ST18: variants seen among roughly 807,000 people sequenced by gnomAD.
The protein encoded by ST18 is suppression of tumorigenicity 18 protein.
ST18 carries 50 observed loss-of-function variants against 110.0 expected under a neutral mutation model. The ratio of observed to expected loss-of-function variants is 0.45; its 90% CI spans 0.36 to 0.58. The LOEUF (loss-of-function observed/expected upper bound fraction) is 0.58, where lower values mean the gene tolerates loss of function less well. ST18 is among the 20% of genes least tolerant of loss of function. The pLI is 0.00. For missense variants in ST18, 1,306 were observed against 1,280.1 expected, an observed-to-expected ratio of 1.02 and a Z score of -0.31; for synonymous variants, 461 against 452.4, an observed-to-expected ratio of 1.02 and a Z score of -0.24.
intron 2 of ST18, among the ~76,000 whole-genome samples, chr8:52,345,319 G>T (rs2140253632): frequency 6.6e-6 from 1 of 152,234 alleles, no homozygotes; most frequent in African/African-American, 2.4e-5. Flanking sequence ...CCACAGAAAT[G>T]AATGTTAAAA....
chr8:52,215,666 T>C (rs1236371038), intron 6 of ST18, among the ~76,000 whole-genome samples: 1 of 152,254 alleles, frequency 6.6e-6, no homozygotes, highest in Non-Finnish European at 1.5e-5. Context: ...TTATGAATAC[T>C]TTAAAACTAC....
chr8:52,180,025 A>G, intron 9 of ST18, 97 bp downstream of exon 9: 2 of 1,234,594 alleles, frequency 1.6e-6, no homozygotes, highest in Non-Finnish European at 2.3e-6. Flanking sequence ...GTACTTTTAC[A>G]ACCATACAAA....
intron 2 of ST18, among the ~76,000 whole-genome samples, chr8:52,325,230 A>T (rs966065761): frequency 6.6e-6 from 1 of 152,216 alleles, no homozygotes; most frequent in Non-Finnish European, 1.5e-5. Flanking sequence ...AAAGAAAAAC[A>T]TGAAAAGGAA....
chr8:52,408,601 G>T (rs1845354916), intron 2 of ST18, among the ~76,000 whole-genome samples: 1 of 152,216 alleles, frequency 6.6e-6, no homozygotes. Context: ...CTTTGCTCAA[G>T]AAACTCATCT....
chr8:52,324,830 G>A (rs1287590554), intron 2 of ST18, among the ~76,000 whole-genome samples: 3 of 152,138 alleles, frequency 2.0e-5, no homozygotes, highest in Non-Finnish European at 4.4e-5. Context: ...AGTGACTATA[G>A]CAATTATATA....
chr8:52,131,925 CACT>C, intron 22 of ST18, 30 bp downstream of exon 22: 1 of 1,608,928 alleles, frequency 6.2e-7, no homozygotes, highest in East Asian at 2.2e-5. Flanking sequence ...CCGATCACAA[CACT>C]ACAACAAAAA....
At chr8:52,259,584 T>C (rs1190319863) in intron 2 of ST18, among the ~76,000 whole-genome samples, 3 of 150,986 alleles carry the variant, frequency 2.0e-5, no homozygotes, top group African/African-American at 7.3e-5. Context: ...ATAATGATGA[T>C]GATGATGATG....
At chr8:52,329,327 G>T (rs1455187756) in intron 2 of ST18, among the ~76,000 whole-genome samples, 1 of 151,316 alleles carries the variant, frequency 6.6e-6, no homozygotes, top group African/African-American at 2.4e-5. Flanking sequence ...AGTTACAGGT[G>T]TTGGAAGATT....
At chr8:52,360,654 C>T (rs1156578489) in intron 2 of ST18, among the ~76,000 whole-genome samples, 1 of 152,116 alleles carries the variant, frequency 6.6e-6, no homozygotes, top group African/African-American at 2.4e-5. Context: ...TTAAGTTTTG[C>T]TAAACCCAAA....
chr8:52,164,198 T>C, intron 12 of ST18, 108 bp from the exon 13 acceptor site: 1 of 927,086 alleles, frequency 1.1e-6, no homozygotes, highest in Admixed American at 1.9e-5. Flanking sequence ...TAAGTCATAT[T>C]AATAGTTCAC....
intron 14 of ST18, among the ~76,000 whole-genome samples, chr8:52,160,845 C>T (rs1161436018): frequency 6.6e-6 from 1 of 152,114 alleles, no homozygotes; most frequent in Non-Finnish European, 1.5e-5. Context: ...TAAAGATTTC[C>T]ACAGCCACAC....
chr8:52,350,071 G>A (rs1357480971), intron 2 of ST18, among the ~76,000 whole-genome samples: 2 of 152,180 alleles, frequency 1.3e-5, no homozygotes, highest in Admixed American at 1.3e-4. Flanking sequence ...GAAGTCTGAG[G>A]AGGGAGCAGG....
chr8:52,392,600 G>C (rs753787618), intron 2 of ST18, among the ~76,000 whole-genome samples: 1 of 152,166 alleles, frequency 6.6e-6, no homozygotes. Flanking sequence ...AACAAACAAA[G>C]CCATGAAAGA....
chr8:52,176,306 G>A (rs1004863765), intron 9 of ST18, among the ~76,000 whole-genome samples: 1 of 152,204 alleles, frequency 6.6e-6, no homozygotes, highest in African/African-American at 2.4e-5. Context: ...ACAGGCGTGA[G>A]CCACCGCGCC....
intron 23 of ST18, among the ~76,000 whole-genome samples, chr8:52,122,673 G>C (rs950930603): frequency 5.3e-5 from 8 of 151,890 alleles, no homozygotes; most frequent in Non-Finnish European, 7.4e-5. Flanking sequence ...ATTTTTATTA[G>C]AGATGGGGTT....
At chr8:52,192,114 A>G (rs2074708189) in intron 8 of ST18, among the ~76,000 whole-genome samples, 1 of 152,142 alleles carries the variant, frequency 6.6e-6, no homozygotes, top group African/African-American at 2.4e-5. Context: ...TGGGGCATTG[A>G]ACAGGCCCAA....
chr8:52,388,848 G>C (rs2140947693), intron 2 of ST18, among the ~76,000 whole-genome samples: 1 of 149,382 alleles, frequency 6.7e-6, no homozygotes, highest in Non-Finnish European at 1.5e-5. Flanking sequence ...ATAGCTTTAG[G>C]AGATATACCT....
chr8:52,210,292 G>A (rs1254016657), intron 8 of ST18, among the ~76,000 whole-genome samples: 1 of 152,136 alleles, frequency 6.6e-6, no homozygotes, highest in East Asian at 1.9e-4. Flanking sequence ...AATGAGCAAG[G>A]TTATTCAACA....
intron 8 of ST18, among the ~76,000 whole-genome samples, chr8:52,187,587 C>A (rs575210853): frequency 6.6e-6 from 1 of 152,252 alleles, no homozygotes; most frequent in South Asian, 2.1e-4. Context: ...GAATTACAGT[C>A]CTCAACTTTT....
Sources: allele counts gnomAD v4.1 joint callset (sites outside exome capture counted in the v4.1 genomes callset), GRCh38; gene constraint gnomAD v4.1.1; transcripts MANE v1.5; gene names NCBI Gene and HGNC (gene_info 2026-07-23, HGNC 2026-07-21).